Variants in TANC2 observed in about 807,000 individuals in gnomAD.
TANC2 encodes the protein protein TANC2.
Under a neutral mutation model 210.5 loss-of-function variants are expected in TANC2, and 26 were observed. The ratio of observed to expected loss-of-function variants is 0.12; its 90% CI spans 0.09 to 0.17. The LOEUF (loss-of-function observed/expected upper bound fraction) is 0.17. Ranked by LOEUF, TANC2 falls within the 10% of genes least tolerant of loss-of-function variation. The pLI is 1.00. For synonymous variants in TANC2, 931 were observed against 967.1 expected, an observed-to-expected ratio of 0.96 and a Z score of 0.69; for missense variants, 2,129 against 2,608.9, an observed-to-expected ratio of 0.82 and a Z score of 4.01.
intron 4 of TANC2, among the ~76,000 whole-genome samples, chr17:63,129,705 A>G (rs1479810352): frequency 6.6e-6 from 1 of 152,200 alleles, no homozygotes. Flanking sequence ...ACCTGTTGTA[A>G]TGATGAGTCC....
At chr17:63,047,704 T>G (rs994843523) in intron 2 of TANC2, among the ~76,000 whole-genome samples, 1 of 152,156 alleles carries the variant, frequency 6.6e-6, no homozygotes, top group African/African-American at 2.4e-5. Context: ...ATAATGGATT[T>G]AAAAGTATGT....
At chr17:63,405,071 G>T (rs376218712) in intron 19 of TANC2, 51 bp from the exon 20 acceptor site, 2 of 1,522,858 alleles carry the variant, frequency 1.3e-6, no homozygotes, top group African/African-American at 1.4e-5. Flanking sequence ...AACATGGAGC[G>T]CTGGAGAGGA....
intron 4 of TANC2, among the ~76,000 whole-genome samples, chr17:63,116,351 C>A (rs1054467748): frequency 2.0e-5 from 3 of 152,228 alleles, no homozygotes; most frequent in African/African-American, 7.2e-5. Flanking sequence ...CTGGCTCCCT[C>A]TTCTCCTGTG....
intron 9 of TANC2, among the ~76,000 whole-genome samples, chr17:63,304,861 G>A (rs6504159): frequency 9.2e-5 from 14 of 152,236 alleles, no homozygotes; most frequent in East Asian, 1.9e-4. Flanking sequence ...CTCTGTCCGC[G>A]GTCTGCCACA....
chr17:63,149,276 A>C (rs1466162756), intron 4 of TANC2: 1 of 151,888 alleles, frequency 6.6e-6, no homozygotes, highest in East Asian at 1.9e-4. Context: ...CACAGTCTTC[A>C]GCTATTTCCT....
At chr17:63,223,173 C>G (rs569260396) in intron 7 of TANC2, among the ~76,000 whole-genome samples, 47 of 152,138 alleles carry the variant, frequency 3.1e-4, no homozygotes, top group Middle Eastern at 6.8e-3. Flanking sequence ...TCTTTTGGAG[C>G]TGAATAGAGG....
chr17:63,072,142 A>G (rs1410184290), intron 2 of TANC2, among the ~76,000 whole-genome samples: 3 of 152,152 alleles, frequency 2.0e-5, no homozygotes, highest in Non-Finnish European at 4.4e-5. Context: ...GACATATTGA[A>G]TATTAATTCA....
At position 63,418,455 on chromosome 17, in the gene TANC2, A is replaced by G; in HGVS notation, c.4268+48A>G. Reference sequence around the variant, plus strand: ...AAAGCAAGAGGTCTCTTTTCTGAAAATTTGGCCAAGGCAGCGTCGGCCACC... The same window carrying G: ...AAAGCAAGAGGTCTCTTTTCTGAAAGTTTGGCCAAGGCAGCGTCGGCCACC... On this transcript the variant is annotated intron_variant, in intron 27 of 27. Coordinates refer to ENST00000689528, the Ensembl canonical transcript of TANC2. The surrounding 1 kb of genome is among the most constrained non-coding windows in gnomAD (Gnocchi z 4.6). The G allele has an allele frequency of 6.4e-7, 1 of 1,572,404 alleles. No homozygotes were observed. The highest frequency in any genetic ancestry group is 8.6e-7 in the Non-Finnish European group (1 of 1,157,496).
intron 2 of TANC2, among the ~76,000 whole-genome samples, chr17:63,033,074 T>C (rs1334729242): frequency 6.6e-6 from 1 of 152,186 alleles, no homozygotes; most frequent in Non-Finnish European, 1.5e-5. Flanking sequence ...GATGAAGAAG[T>C]ACATAGGATA....
intron 5 of TANC2, among the ~76,000 whole-genome samples, chr17:63,184,655 CT>C (rs202114362): frequency 1.5e-3 from 214 of 140,020 alleles, no homozygotes; most frequent in Middle Eastern, 3.7e-3. Flanking sequence ...AGTATGTATT[CT>C]TTTTTTTTTT....
chr17:63,171,207 CG>C (rs2040395486), intron 5 of TANC2, among the ~76,000 whole-genome samples: 1 of 151,230 alleles, frequency 6.6e-6, no homozygotes, highest in Non-Finnish European at 1.5e-5. Flanking sequence ...CTCAGCCTCC[CG>C]AGTAGCTGGG....
rs909686421 is a variant in TANC2 at position 63,354,761 on chromosome 17, T to G, written c.1975-22T>G. Reference sequence around the variant, plus strand: ...GGAAACTGAAGGTCTTTCTGTCTCTTTCTCTCTCTCCATCTTTTTAGGAAA... The same window carrying G: ...GGAAACTGAAGGTCTTTCTGTCTCTGTCTCTCTCTCCATCTTTTTAGGAAA... On this transcript the variant is annotated intron_variant, in intron 13 of 27. Transcript: ENST00000689528. The G allele has an allele frequency of 2.0e-6, 3 of 1,536,854 alleles. No homozygotes were observed. In the Admixed American group the frequency reaches 6.5e-5, roughly 33 times the overall value.
intron 15 of TANC2, among the ~76,000 whole-genome samples, chr17:63,383,184 T>C (rs1387256386): frequency 2.0e-5 from 3 of 152,246 alleles, no homozygotes; most frequent in African/African-American, 7.2e-5. Context: ...TTTGTTACAA[T>C]TGAGGAACCA....
At chr17:63,359,747 T>C (rs531793343) in intron 14 of TANC2, among the ~76,000 whole-genome samples, 3 of 152,156 alleles carry the variant, frequency 2.0e-5, no homozygotes, top group Non-Finnish European at 4.4e-5. Flanking sequence ...GAGATTGTGA[T>C]GTGGGAGCCT....
At chr17:63,320,158 C>T (rs776255132) in intron 11 of TANC2, among the ~76,000 whole-genome samples, 5 of 152,098 alleles carry the variant, frequency 3.3e-5, no homozygotes, top group African/African-American at 7.2e-5. Flanking sequence ...CCTTCTTGAA[C>T]GATTTTGTTT....
intron 9 of TANC2, among the ~76,000 whole-genome samples, chr17:63,286,875 A>G (rs1041604781): frequency 6.6e-6 from 1 of 151,834 alleles, no homozygotes; most frequent in Non-Finnish European, 1.5e-5. Context: ...ATGTGTCACT[A>G]ATTCTATCTA....
At chr17:63,111,576 A>G (rs1423390702) in intron 4 of TANC2, among the ~76,000 whole-genome samples, 1 of 151,906 alleles carries the variant, frequency 6.6e-6, no homozygotes, top group East Asian at 1.9e-4. Context: ...ATCTTTGATT[A>G]TGGTTTTCTA....
intron 4 of TANC2, among the ~76,000 whole-genome samples, chr17:63,126,459 G>A (rs891684053): frequency 6.6e-6 from 1 of 152,118 alleles, no homozygotes; most frequent in African/African-American, 2.4e-5. Flanking sequence ...CCAGGCTGGA[G>A]TGTAGTGGTG....
At chr17:63,238,189 A>G (rs2042675707) in intron 8 of TANC2, 112 bp downstream of exon 8, 2 of 1,301,802 alleles carry the variant, frequency 1.5e-6, no homozygotes, top group African/African-American at 1.5e-5. Context: ...TTTTCCATTC[A>G]TCTTTTCTGA....
Sources: allele counts gnomAD v4.1 joint callset (sites outside exome capture counted in the v4.1 genomes callset), GRCh38; gene constraint gnomAD v4.1.1; non-coding constraint Gnocchi (gnomAD v3.1); transcripts MANE v1.5; gene names NCBI Gene and HGNC (gene_info 2026-07-23, HGNC 2026-07-21).